MTMR8: variants seen among roughly 807,000 people sequenced by gnomAD.
MTMR8 encodes the protein myotubularin related protein 8.
MTMR8 carries 65 observed loss-of-function variants against 39.3 expected under a neutral mutation model. That is an observed-to-expected ratio of 1.65 (90% confidence interval 1.35 to 2.03). The LOEUF (loss-of-function observed/expected upper bound fraction) is 2.03. Among genes scored for constraint, MTMR8 ranks in the 30% most tolerant of loss-of-function variants. MTMR8 has a pLI of 0.00. For missense variants in MTMR8, 777 were observed against 538.9 expected (o/e 1.44, Z -4.37); for synonymous variants, 245 against 185.2 (o/e 1.32, Z -2.62).
chrX:64,347,896 C>T (rs974075711), intron 6 of MTMR8, among the ~76,000 whole-genome samples: 13 of 111,929 alleles, frequency 1.2e-4, no homozygotes, highest in Non-Finnish European at 2.3e-4. Context: ...AACATGAGGA[C>T]ACTCTGTTCA....
chrX:64,288,133 A>G (rs1040764394), intron 12 of MTMR8, among the ~76,000 whole-genome samples: 7 of 108,073 alleles, frequency 6.5e-5, no homozygotes, highest in Non-Finnish European at 1.3e-4. Context: ...AACATCCAGA[A>G]TCTAAAAGAA....
intron 13 of MTMR8, among the ~76,000 whole-genome samples, chrX:64,270,463 G>A (rs937858095): frequency 5.4e-5 from 6 of 111,881 alleles, no homozygotes; most frequent in Non-Finnish European, 1.1e-4. Context: ...AATACTTTTT[G>A]ACTTCTGTAA....
intron 12 of MTMR8, among the ~76,000 whole-genome samples, chrX:64,285,925 C>G (rs1224981830): frequency 1.8e-5 from 2 of 111,181 alleles, no homozygotes; most frequent in Non-Finnish European, 3.8e-5. Context: ...ACTAGAGAAA[C>G]AAGAACAAAC....
intron 6 of MTMR8, among the ~76,000 whole-genome samples, chrX:64,345,767 C>T (rs1406146461): frequency 1.8e-5 from 2 of 111,294 alleles, no homozygotes; most frequent in African/African-American, 6.5e-5. Context: ...CACGTACCAC[C>T]ATGCCTGGCT....
At chrX:64,308,205 C>T (rs144645313) in intron 12 of MTMR8, among the ~76,000 whole-genome samples, 6,706 of 109,118 alleles carry the variant, frequency 0.061, 210 homozygotes, top group Non-Finnish European at 0.099. Context: ...AAACTTTTGA[C>T]GAAGCATAAT....
In MTMR8 at chrX:64,356,859, C is replaced by G. The variant is rs374955499; in HGVS notation, c.148-521G>C. 2.7e-5 allele frequency among the ~76,000 whole-genome samples: 3 copies of G among 110,601 alleles called. No individual in the cohort carries two copies. The East Asian group carries it at 8.6e-4, about 32-fold the overall frequency. On this transcript the variant is annotated intron_variant, in intron 2 of 13. Coordinates refer to ENST00000374852, the MANE Select transcript of MTMR8 (RefSeq NM_017677.4). Reference sequence around the variant, plus strand: ...AAAACAAAGCTCTGAGAAGTGAATTCCTCATCAGATATCATATAGCCAAGA... The same window carrying G: ...AAAACAAAGCTCTGAGAAGTGAATTGCTCATCAGATATCATATAGCCAAGA...
At chrX:64,279,423 C>T (rs1173934577) in intron 12 of MTMR8, among the ~76,000 whole-genome samples, 1 of 111,867 alleles carries the variant, frequency 8.9e-6, no homozygotes, top group Non-Finnish European at 1.9e-5. Context: ...TAAACTTAAG[C>T]ATGCAGGTAA....
At chrX:64,281,392 C>T (rs767157729) in intron 12 of MTMR8, among the ~76,000 whole-genome samples, 2 of 111,405 alleles carry the variant, frequency 1.8e-5, no homozygotes, top group Admixed American at 1.9e-4. Context: ...TCAGAAAAAA[C>T]ACCACACATC....
chrX:64,316,684 A>G (rs1399836125), intron 12 of MTMR8, among the ~76,000 whole-genome samples: 1 of 111,472 alleles, frequency 9.0e-6, no homozygotes, highest in Non-Finnish European at 1.9e-5. Context: ...AAGATTTCGC[A>G]TTGATATATT....
intron 4 of MTMR8, among the ~76,000 whole-genome samples, chrX:64,352,541 A>G (rs10126517): frequency 3.5e-3 from 391 of 111,581 alleles, no homozygotes; most frequent in African/African-American, 0.012. Context: ...AATACTTGAT[A>G]TCTGTTTAAT....
intron 12 of MTMR8, among the ~76,000 whole-genome samples, chrX:64,286,251 A>AT (rs1286317975): frequency 8.9e-6 from 1 of 112,204 alleles, no homozygotes; most frequent in East Asian, 2.8e-4. Flanking sequence ...TCCTCGACAC[A>AT]TACACCCTCC....
At chrX:64,363,337 G>T (rs868796102) in intron 1 of MTMR8, among the ~76,000 whole-genome samples, 1 of 111,805 alleles carries the variant, frequency 8.9e-6, no homozygotes, top group Non-Finnish European at 1.9e-5. Context: ...GATCATGGGG[G>T]TGAATTCCTC....
intron 12 of MTMR8, among the ~76,000 whole-genome samples, chrX:64,318,953 T>C (rs1922552518): frequency 1.8e-5 from 2 of 111,571 alleles, no homozygotes; most frequent in African/African-American, 6.5e-5. Context: ...AGTGCTGGGA[T>C]TACAGGCATT....
intron 1 of MTMR8, among the ~76,000 whole-genome samples, chrX:64,363,860 C>T (rs1395522022): frequency 9.0e-6 from 1 of 111,633 alleles, no homozygotes; most frequent in Non-Finnish European, 1.9e-5. Flanking sequence ...CGGACTGTAC[C>T]TGGAAAATCG....
intron 12 of MTMR8, among the ~76,000 whole-genome samples, chrX:64,315,504 G>T (rs889048316): frequency 2.7e-5 from 3 of 111,695 alleles, no homozygotes; most frequent in Non-Finnish European, 5.6e-5. Flanking sequence ...CAGCCATCTT[G>T]CCCAAATAAA....
intron 12 of MTMR8, among the ~76,000 whole-genome samples, chrX:64,321,778 T>C (rs1201555695): frequency 4.5e-5 from 5 of 112,318 alleles, no homozygotes; most frequent in African/African-American, 1.6e-4. Flanking sequence ...CTGATGAATA[T>C]AGTATTACCT....
chrX:64,301,222 C>T (rs1462287859), intron 12 of MTMR8, among the ~76,000 whole-genome samples: 7 of 108,943 alleles, frequency 6.4e-5, no homozygotes, highest in East Asian at 2.9e-4. Flanking sequence ...ACCAATCAGA[C>T]GTAGATTTGG....
intron 12 of MTMR8, among the ~76,000 whole-genome samples, chrX:64,287,196 A>G (rs1247510617): frequency 1.8e-5 from 2 of 111,635 alleles, no homozygotes; most frequent in Non-Finnish European, 3.8e-5. Context: ...CCAAATCATG[A>G]GTGAACTCCC....
intron 12 of MTMR8, among the ~76,000 whole-genome samples, chrX:64,312,782 G>A (rs1461601235): frequency 8.9e-6 from 1 of 112,243 alleles, no homozygotes; most frequent in African/African-American, 3.2e-5. Flanking sequence ...TGGATATTAT[G>A]TTAGCGGCCA....
Sources: allele counts gnomAD v4.1 joint callset (sites outside exome capture counted in the v4.1 genomes callset), GRCh38; gene constraint gnomAD v4.1.1; transcripts MANE v1.5; gene names NCBI Gene and HGNC (gene_info 2026-07-23, HGNC 2026-07-21).